Variants in CMTM4 observed in about 807,000 individuals in gnomAD.
CMTM4 encodes CKLF like MARVEL transmembrane domain containing 4, also known as CKLF-like MARVEL transmembrane domain-containing protein 4.
A neutral mutation model predicts 19.0 loss-of-function variants in CMTM4; 8 were observed. That is an observed-to-expected ratio of 0.42 (90% CI 0.25 to 0.76). CMTM4 has a LOEUF of 0.76. Ranked by LOEUF, CMTM4 falls within the 30% of genes least tolerant of loss-of-function variation. The pLI is 0.27. For missense variants in CMTM4, 228 were observed against 290.2 expected, an observed-to-expected ratio of 0.79 and a Z score of 1.56; for synonymous variants, 106 against 121.1, an observed-to-expected ratio of 0.88 and a Z score of 0.82.
chr16:66,654,884 T>C (rs1044427488), intron 1 of CMTM4, among the ~76,000 whole-genome samples: 6 of 152,296 alleles, frequency 3.9e-5, no homozygotes, highest in Admixed American at 6.5e-5. Flanking sequence ...GTCCTTACTA[T>C]GTGAAAGGGC....
chr16:66,622,353 C>A lies in CMTM4; in HGVS notation c.463-131G>T. 1 of 973,174 alleles carries A rather than the reference C, an allele frequency of 1.0e-6. No homozygotes were observed. The highest frequency in any genetic ancestry group is 1.6e-5 in the South Asian group (1 of 62,146). The allele number at this position is 973,174 out of a possible 1,614,324, so 60.3% of individuals were successfully genotyped here. A position where few individuals can be genotyped will look rare whatever the true frequency, so the allele number is the denominator to read the frequency against. On this transcript the variant is annotated intron_variant, in intron 3 of 3. Coordinates refer to ENST00000394106, the MANE Select transcript of CMTM4 (RefSeq NM_181521.3). The surrounding 1 kb of genome is among the most constrained non-coding windows in gnomAD (Gnocchi z 4.0). ...TCATTACAACCCTGTGCCTTCATTCCTTGATCTCTTCCCCCTCTCAGCAGC... is the reference window on the plus strand; with the variant it reads ...TCATTACAACCCTGTGCCTTCATTCATTGATCTCTTCCCCCTCTCAGCAGC...
At chr16:66,636,613 T>C in intron 1 of CMTM4, 32 bp from the exon 2 acceptor site, 6 of 1,578,258 alleles carry the variant, frequency 3.8e-6, no homozygotes, top group Non-Finnish European at 4.4e-6. Context: ...TATATGTACG[T>C]ATATGTTTAG....
chr16:66,692,061 G>A (rs1379475372), intron 1 of CMTM4, among the ~76,000 whole-genome samples: 1 of 151,414 alleles, frequency 6.6e-6, no homozygotes, highest in South Asian at 2.1e-4. Flanking sequence ...ACTATTTATC[G>A]AAAGCTGGTT....
chr16:66,645,839 T>G (rs2016184422), intron 1 of CMTM4, among the ~76,000 whole-genome samples: 1 of 150,912 alleles, frequency 6.6e-6, no homozygotes, highest in African/African-American at 2.4e-5. Context: ...ATTAGCCGAG[T>G]GTGGTGGTGG....
At chr16:66,631,416 C>T (rs987215036) in intron 2 of CMTM4, among the ~76,000 whole-genome samples, 2 of 152,184 alleles carry the variant, frequency 1.3e-5, no homozygotes, top group African/African-American at 4.8e-5. Flanking sequence ...GGCCACCACC[C>T]CGTCAGGGAG....
chr16:66,627,299 G>C (rs1348628488), intron 2 of CMTM4, among the ~76,000 whole-genome samples: 2 of 152,124 alleles, frequency 1.3e-5, no homozygotes. Flanking sequence ...GATTTTAATG[G>C]TTCCATTTTT....
At chr16:66,635,200 A>T (rs1242404015) in intron 2 of CMTM4, among the ~76,000 whole-genome samples, 7 of 152,254 alleles carry the variant, frequency 4.6e-5, no homozygotes, top group African/African-American at 1.4e-4. Context: ...TAGTTGAGAC[A>T]TTACAACCTG....
In CMTM4 at chr16:66,620,438, G is replaced by A; in HGVS notation, c.*1620C>T. 4.1e-6 allele frequency: 4 copies of A among 985,456 alleles called. No individual in the cohort carries two copies. The highest frequency in any genetic ancestry group is 4.8e-6 in the Non-Finnish European group (4 of 829,970). The allele number at this position is 985,456 out of a possible 1,614,324, so 61.0% of individuals were successfully genotyped here. A position where few individuals can be genotyped will look rare whatever the true frequency, so the allele number is the denominator to read the frequency against. On this transcript the variant is annotated 3_prime_UTR_variant, in exon 4 of 4. Transcript: ENST00000394106. The stretch of plus-strand genomic sequence containing the variant: ...TGCTCCCAACTCAGATCGTACTGAA[G>A]GTGTTGGTGCAGGAAGCTAACCCCA...
chr16:66,632,941 C>T (rs1007250091), intron 2 of CMTM4, among the ~76,000 whole-genome samples: 15 of 151,384 alleles, frequency 9.9e-5, no homozygotes, highest in Non-Finnish European at 1.6e-4. Context: ...AAAAATTAGC[C>T]GGGTGTGGTG....
chr16:66,619,800 C>T lies in CMTM4; in HGVS notation c.*2258G>A, dbSNP rs958757983. On this transcript the variant is annotated 3_prime_UTR_variant, in exon 4 of 4. Transcript: ENST00000394106. Reference sequence around the variant, plus strand: ...TTTACAAAACCACCGAGGAGCCTCACGGCACAAAGGATATTAAATAGTTAC... The same window carrying T: ...TTTACAAAACCACCGAGGAGCCTCATGGCACAAAGGATATTAAATAGTTAC... 2 of 985,174 alleles carry T rather than the reference C, an allele frequency of 2.0e-6. No individual in the cohort carries two copies. Among genetic ancestry groups the T allele is most frequent in the African/African-American group, 1.7e-5 (1 of 57,198 alleles). 61.0% of individuals were successfully genotyped at this position (985,174 alleles called of 1,614,324 possible).
At chr16:66,681,977 C>T (rs907984606) in intron 1 of CMTM4, among the ~76,000 whole-genome samples, 22 of 152,160 alleles carry the variant, frequency 1.4e-4, no homozygotes, top group African/African-American at 5.1e-4. Flanking sequence ...TCCCAAATGG[C>T]CACAAGTGCT....
intron 1 of CMTM4, among the ~76,000 whole-genome samples, chr16:66,684,531 G>T (rs1301821458): frequency 6.6e-6 from 1 of 151,472 alleles, no homozygotes; most frequent in Admixed American, 6.6e-5. Flanking sequence ...GTGATCCCAG[G>T]ACCCCACTCT....
At chr16:66,651,527 G>A (rs1322825937) in intron 1 of CMTM4, among the ~76,000 whole-genome samples, 1 of 152,120 alleles carries the variant, frequency 6.6e-6, no homozygotes, top group Non-Finnish European at 1.5e-5. Context: ...CACCTCCATC[G>A]TGTGGCCAGG....
chr16:66,600,131 T>G, the CMTM4 span, among the ~76,000 whole-genome samples: 479 of 143,830 alleles, frequency 3.3e-3, 4 homozygotes, highest in African/African-American at 0.012. Context: ...TGTGTGTGTG[T>G]GTGTGTTTTT....
At chr16:66,612,686 T>C (rs771840508), downstream of CMTM4, 1 of 1,595,354 alleles carries the variant, frequency 6.3e-7, no homozygotes, top group Non-Finnish European at 8.6e-7. The surrounding 1 kb of genome is among the most constrained non-coding windows in gnomAD (Gnocchi z 6.0). Context: ...CCTCCACCCC[T>C]GCGCCTCACA....
chr16:66,637,794 G>T (rs1378530032), intron 1 of CMTM4, among the ~76,000 whole-genome samples: 1 of 152,166 alleles, frequency 6.6e-6, no homozygotes. Context: ...GGCATCTGAA[G>T]CCTATGCCGC....
In CMTM4 at chr16:66,618,643, G is replaced by A. The variant is rs905732995; in HGVS notation, c.*3415C>T. 1.0e-6 allele frequency: 1 copy of A among 985,396 alleles called. No homozygotes were observed. Among genetic ancestry groups the A allele is most frequent in the African/African-American group, 1.7e-5 (1 of 57,258 alleles). 61.0% of individuals were successfully genotyped at this position (985,396 alleles called of 1,614,324 possible). On this transcript the variant is annotated 3_prime_UTR_variant, in exon 4 of 4. Coordinates refer to ENST00000394106, the MANE Select transcript of CMTM4 (RefSeq NM_181521.3). ...TGCAAGCAAGAATTCACGTACATGAGTGCACAAAGGTGTTGGAGCTTGGTC... is the reference window on the plus strand; with the variant it reads ...TGCAAGCAAGAATTCACGTACATGAATGCACAAAGGTGTTGGAGCTTGGTC...
At chr16:66,645,804 C>A (rs1356660797) in intron 1 of CMTM4, among the ~76,000 whole-genome samples, 2 of 152,018 alleles carry the variant, frequency 1.3e-5, no homozygotes, top group African/African-American at 4.8e-5. Context: ...TATCGTGAAA[C>A]CCTGTCTTTA....
chr16:66,653,724 G>A (rs1443193811), intron 1 of CMTM4, among the ~76,000 whole-genome samples: 1 of 152,086 alleles, frequency 6.6e-6, no homozygotes, highest in Non-Finnish European at 1.5e-5. Context: ...ATAGAAACAT[G>A]GTTGGTTGGG....
Sources: allele counts gnomAD v4.1 joint callset (sites outside exome capture counted in the v4.1 genomes callset), GRCh38; gene constraint gnomAD v4.1.1; non-coding constraint Gnocchi (gnomAD v3.1); transcripts MANE v1.5; gene names NCBI Gene and HGNC (gene_info 2026-07-23, HGNC 2026-07-21).